CEP128: variants seen among roughly 807,000 people sequenced by gnomAD.
The protein encoded by CEP128 is centrosomal protein 128kDa.
Under a neutral mutation model 156.7 loss-of-function variants are expected in CEP128, and 132 were observed. That is an observed-to-expected ratio of 0.84 (90% CI 0.73 to 0.97). The LOEUF (loss-of-function observed/expected upper bound fraction) is 0.97. CEP128 is among the 50% of genes least tolerant of loss of function. The pLI, the probability that CEP128 is intolerant of heterozygous loss-of-function variation, is 0.00. For synonymous variants in CEP128, 469 were observed against 448.9 expected, an observed-to-expected ratio of 1.04 and a Z score of -0.57; for missense variants, 1,252 against 1,281.9, an observed-to-expected ratio of 0.98 and a Z score of 0.36.
intron 23 of CEP128, among the ~76,000 whole-genome samples, chr14:80,522,748 C>G (rs1799575452): frequency 1.3e-5 from 2 of 152,196 alleles, no homozygotes; most frequent in Admixed American, 6.5e-5. Context: ...TTTGAAACAG[C>G]TGAGACAGGA....
chr14:80,582,330 T>G (rs1015537317), intron 19 of CEP128, among the ~76,000 whole-genome samples: 1 of 152,180 alleles, frequency 6.6e-6, no homozygotes, highest in African/African-American at 2.4e-5. Flanking sequence ...AGCAATGAGA[T>G]GCTATTTGAA....
chr14:80,529,797 G>T (rs940329498), intron 22 of CEP128, among the ~76,000 whole-genome samples: 5 of 152,138 alleles, frequency 3.3e-5, no homozygotes, highest in Non-Finnish European at 5.9e-5. Context: ...CAAACACTTG[G>T]TTTTGTTCAA....
intron 9 of CEP128, among the ~76,000 whole-genome samples, chr14:80,860,923 A>G (rs1887482739): frequency 6.6e-6 from 1 of 152,082 alleles, no homozygotes; most frequent in African/African-American, 2.4e-5. Context: ...TTCATAAATG[A>G]AAAGAATTCC....
chr14:80,630,200 T>C (rs1893904963), intron 19 of CEP128, among the ~76,000 whole-genome samples: 1 of 151,958 alleles, frequency 6.6e-6, no homozygotes, highest in Non-Finnish European at 1.5e-5. Context: ...TTCACATACT[T>C]TTACAAACTA....
chr14:80,765,666 A>T (rs1421574212), intron 16 of CEP128, among the ~76,000 whole-genome samples: 1 of 152,216 alleles, frequency 6.6e-6, no homozygotes, highest in African/African-American at 2.4e-5. Context: ...GGAGGAAGGC[A>T]GATGAAGCTA....
intron 21 of CEP128, among the ~76,000 whole-genome samples, chr14:80,552,263 G>A (rs529756407): frequency 7.8e-4 from 118 of 151,590 alleles, no homozygotes; most frequent in African/African-American, 2.6e-3. Flanking sequence ...GAGCTGAGAT[G>A]GCGCTACTGC....
At chr14:80,767,918 C>G (rs327467) in intron 16 of CEP128, among the ~76,000 whole-genome samples, 62,050 of 151,930 alleles carry the variant, frequency 0.41, 13,065 homozygotes, top group South Asian at 0.5. Flanking sequence ...CTATGTCTGT[C>G]TCCTCATCAG....
intron 4 of CEP128, among the ~76,000 whole-genome samples, chr14:80,909,163 C>T (rs1310530598): frequency 2.6e-5 from 4 of 152,094 alleles, no homozygotes; most frequent in Non-Finnish European, 4.4e-5. Flanking sequence ...CTACATAATT[C>T]CTCACTGCCT....
At chr14:80,626,058 T>C (rs180771083) in intron 19 of CEP128, among the ~76,000 whole-genome samples, 1 of 152,328 alleles carries the variant, frequency 6.6e-6, no homozygotes, top group Non-Finnish European at 1.5e-5. Flanking sequence ...AATATGTGAA[T>C]ACATAACTTT....
At chr14:80,813,274 A>G (rs1208864847) in intron 13 of CEP128, among the ~76,000 whole-genome samples, 1 of 152,166 alleles carries the variant, frequency 6.6e-6, no homozygotes, top group Non-Finnish European at 1.5e-5. Context: ...AGTTTTTGTC[A>G]TGAAGTCTTT....
intron 23 of CEP128, among the ~76,000 whole-genome samples, chr14:80,506,485 A>G (rs1887981593): frequency 1.3e-5 from 2 of 151,870 alleles, no homozygotes; most frequent in Admixed American, 6.6e-5. Flanking sequence ...TGAAGGATGA[A>G]TATCAGTTAA....
chr14:80,954,485 T>A (rs1347494460), intron 2 of CEP128, among the ~76,000 whole-genome samples: 1 of 152,184 alleles, frequency 6.6e-6, no homozygotes, highest in East Asian at 1.9e-4. Flanking sequence ...TTTTGATAAA[T>A]GTATACATCC....
At chr14:80,514,978 AGACTCATAGAGGTATTGC>A (rs1451977819) in intron 23 of CEP128, among the ~76,000 whole-genome samples, 4 of 152,242 alleles carry the variant, frequency 2.6e-5, no homozygotes, top group African/African-American at 9.6e-5. Context: ...TGAGTCTTGC[AGACTCATAGAGGTATTGC>A]GTGGCGGTCT....
chr14:80,501,652 C>T (rs1288529921), intron 24 of CEP128, among the ~76,000 whole-genome samples: 1 of 151,754 alleles, frequency 6.6e-6, no homozygotes, highest in African/African-American at 2.4e-5. Flanking sequence ...CTACAGGCAC[C>T]CGCCACCACG....
intron 8 of CEP128, among the ~76,000 whole-genome samples, chr14:80,867,110 A>G (rs1887803977): frequency 6.6e-6 from 1 of 152,182 alleles, no homozygotes; most frequent in Admixed American, 6.5e-5. Context: ...GGCATTGCCA[A>G]ACTGTCAACC....
rs1243565216 is a variant in CEP128, at chr14:80,784,907, G to C, written c.2199C>G (p.Ile733Met). ...KKEKSEAENH[I>M]RTLKAESLEE... ...TTAGCAGAGGTACCTTCAGAGTCCT[G>C]ATATGATTCTCAGCCTCACTCTTTT... The change falls in exon 15 of 25, where the codon ATC (isoleucine) becomes ATG (methionine). Residue 733 changes from isoleucine (I) to methionine (M), a missense_variant. Coordinates refer to ENST00000555265, the MANE Select transcript of CEP128 (RefSeq NM_152446.5). 1.9e-6 allele frequency: 3 copies of C among 1,609,774 alleles called. No homozygotes were observed. The highest frequency in any genetic ancestry group is 2.5e-6 in the Non-Finnish European group (3 of 1,178,064).
intron 21 of CEP128, among the ~76,000 whole-genome samples, chr14:80,537,698 A>T (rs191975774): frequency 5.9e-5 from 9 of 152,210 alleles, no homozygotes; most frequent in African/African-American, 2.2e-4. Flanking sequence ...AAGTGATTGC[A>T]TGTTAAAATA....
intron 24 of CEP128, 22 bp from the exon 25 acceptor site, chr14:80,497,604 G>C: frequency 6.5e-7 from 1 of 1,532,330 alleles, no homozygotes; most frequent in Non-Finnish European, 9.0e-7. Flanking sequence ...AGAAGAAAAA[G>C]AAAAATAAAC....
Position 80,792,984 on chromosome 14 carries a change from C to G in CEP128, c.1336G>C (p.Glu446Gln). 6.2e-7 allele frequency: 1 copy of G among 1,614,172 alleles called. No homozygotes were observed. Among genetic ancestry groups the G allele is most frequent in the Non-Finnish European group, 8.5e-7 (1 of 1,180,020 alleles). The change falls in exon 14 of 25, where the codon GAG becomes CAG. Residue 446 changes from glutamate (E) to glutamine (Q), a missense_variant. Physicochemically the swap from Glu to Gln is conservative, Grantham distance 29. Coordinates refer to ENST00000555265, the MANE Select transcript of CEP128 (RefSeq NM_152446.5). ...GCATCCTCCGCATGGCGAGTCAGCT[C>G]TGAGATCTGAAGGTCAGCATGCTTA... ...ERKHADLQIS[E>Q]LTRHAEDATK... is the part of the protein sequence containing the mutation.
Sources: allele counts gnomAD v4.1 joint callset (sites outside exome capture counted in the v4.1 genomes callset), GRCh38; gene constraint gnomAD v4.1.1; transcripts MANE v1.5; gene names NCBI Gene and HGNC (gene_info 2026-07-23, HGNC 2026-07-21).